The following GALNT13 variants were observed in gnomAD, a reference collection of about 807,000 sequenced individuals.
GALNT13 encodes the protein polypeptide N-acetylgalactosaminyltransferase 13.
GALNT13 carries 28 observed loss-of-function variants against 64.2 expected under a neutral mutation model. The observed-to-expected ratio is 0.44, with a 90% CI of 0.32 to 0.60. The LOEUF (loss-of-function observed/expected upper bound fraction) is 0.60, where lower values mean the gene tolerates loss of function less well. Ranked by LOEUF, GALNT13 falls within the 20% of genes least tolerant of loss-of-function variation. GALNT13 has a pLI of 0.05. For missense variants in GALNT13, 577 were observed against 669.8 expected (o/e 0.86, Z 1.53); for synonymous variants, 214 against 224.6 (o/e 0.95, Z 0.42).
the GALNT13 span, among the ~76,000 whole-genome samples, chr2:153,605,453 T>A: frequency 7.9e-5 from 12 of 152,052 alleles, no homozygotes; most frequent in African/African-American, 2.9e-4. Context: ...AGAAAAAAAA[T>A]GAATTCTTTA....
the GALNT13 span, among the ~76,000 whole-genome samples, chr2:153,070,329 T>C: frequency 2.0e-5 from 3 of 152,238 alleles, no homozygotes; most frequent in East Asian, 5.8e-4. Context: ...GTGGGTGGGA[T>C]GAATTAAGTA....
At chr2:153,985,470 A>G (rs934089460) in intron 3 of GALNT13, among the ~76,000 whole-genome samples, 1 of 152,000 alleles carries the variant, frequency 6.6e-6, no homozygotes, top group Non-Finnish European at 1.5e-5. Flanking sequence ...GATAATTTAC[A>G]TATGGATTCC....
the GALNT13 span, among the ~76,000 whole-genome samples, chr2:153,585,656 A>G: frequency 6.6e-6 from 1 of 152,194 alleles, no homozygotes; most frequent in Non-Finnish European, 1.5e-5. Flanking sequence ...TCAAATTGAA[A>G]GAATGAATTC....
At chr2:153,359,660 A>AAAAAC in the GALNT13 span, among the ~76,000 whole-genome samples, 1 of 143,612 alleles carries the variant, frequency 7.0e-6, no homozygotes. Flanking sequence ...AAAAAAAAAA[A>AAAAAC]AAAGTGACAT....
the GALNT13 span, among the ~76,000 whole-genome samples, chr2:153,657,318 G>A: frequency 6.6e-6 from 1 of 152,080 alleles, no homozygotes; most frequent in African/African-American, 2.4e-5. Flanking sequence ...ATGCATTATG[G>A]CAGTGTCCAG....
chr2:153,697,312 T>C, the GALNT13 span, among the ~76,000 whole-genome samples: 1 of 152,214 alleles, frequency 6.6e-6, no homozygotes, highest in East Asian at 1.9e-4. Flanking sequence ...TGGTTATGAA[T>C]TCTGCAATCT....
intron 3 of GALNT13, among the ~76,000 whole-genome samples, chr2:154,138,682 A>G (rs1683088340): frequency 6.6e-6 from 1 of 152,010 alleles, no homozygotes; most frequent in South Asian, 2.1e-4. Context: ...GAAGCCACAT[A>G]TAAATTCATT....
At chr2:154,396,669 C>T (rs189728893) in intron 10 of GALNT13, among the ~76,000 whole-genome samples, 9 of 152,128 alleles carry the variant, frequency 5.9e-5, no homozygotes, top group Admixed American at 5.2e-4. Flanking sequence ...ATATGTGCTT[C>T]GGTATTCCAT....
chr2:153,548,763 C>T, the GALNT13 span, among the ~76,000 whole-genome samples: 1 of 152,146 alleles, frequency 6.6e-6, no homozygotes, highest in Non-Finnish European at 1.5e-5. Context: ...ACTCAGCAAT[C>T]CCACTTCCAA....
At chr2:154,305,407 G>A (rs1057173104) in intron 9 of GALNT13, among the ~76,000 whole-genome samples, 5 of 151,826 alleles carry the variant, frequency 3.3e-5, no homozygotes, top group East Asian at 1.9e-4. Context: ...ACACACACAC[G>A]CGTATTTATG....
At chr2:154,246,268 T>C (rs752743764) in intron 7 of GALNT13, among the ~76,000 whole-genome samples, 69 of 152,150 alleles carry the variant, frequency 4.5e-4, no homozygotes, top group Non-Finnish European at 9.0e-4. Context: ...GTGACAGAAA[T>C]GTGCTAGCCT....
the GALNT13 span, among the ~76,000 whole-genome samples, chr2:153,106,229 T>A: frequency 6.6e-6 from 1 of 152,220 alleles, no homozygotes; most frequent in Non-Finnish European, 1.5e-5. Context: ...GCAAAATGTA[T>A]TCCAGCTTTC....
At chr2:154,127,084 A>T (rs1050449263) in intron 3 of GALNT13, among the ~76,000 whole-genome samples, 15 of 151,474 alleles carry the variant, frequency 9.9e-5, no homozygotes, top group African/African-American at 2.9e-4. Flanking sequence ...TATAAAATTT[A>T]AAAAAAAGTT....
At chr2:153,490,407 G>T in the GALNT13 span, among the ~76,000 whole-genome samples, 1 of 152,078 alleles carries the variant, frequency 6.6e-6, no homozygotes, top group African/African-American at 2.4e-5. Flanking sequence ...TTGAGACAAA[G>T]TCTTGCTCTG....
intron 2 of GALNT13, among the ~76,000 whole-genome samples, chr2:153,903,555 T>C (rs1216574906): frequency 6.6e-6 from 1 of 151,992 alleles, no homozygotes; most frequent in Non-Finnish European, 1.5e-5. Context: ...TGTGTGACTT[T>C]GTGTCAATTA....
At chr2:154,403,849 G>A (rs934637845) in intron 10 of GALNT13, among the ~76,000 whole-genome samples, 3 of 152,126 alleles carry the variant, frequency 2.0e-5, no homozygotes, top group African/African-American at 7.2e-5. Context: ...TCCCTGTCTG[G>A]AAGTCAGGAC....
At chr2:154,231,372 G>A (rs765909467) in intron 4 of GALNT13, among the ~76,000 whole-genome samples, 10 of 151,958 alleles carry the variant, frequency 6.6e-5, no homozygotes, top group Non-Finnish European at 1.2e-4. Flanking sequence ...AGACATGGGG[G>A]CCTCTTCAAA....
At chr2:153,087,821 G>T in the GALNT13 span, among the ~76,000 whole-genome samples, 1 of 151,766 alleles carries the variant, frequency 6.6e-6, no homozygotes, top group Non-Finnish European at 1.5e-5. Flanking sequence ...AATGTTTCTT[G>T]TTTCATGTCT....
At chr2:154,174,176 G>A (rs764391160) in intron 4 of GALNT13, among the ~76,000 whole-genome samples, 18 of 152,012 alleles carry the variant, frequency 1.2e-4, no homozygotes, top group African/African-American at 3.4e-4. Flanking sequence ...TTAAAATTAC[G>A]CAGTCTCAAC....
Sources: allele counts gnomAD v4.1 joint callset (sites outside exome capture counted in the v4.1 genomes callset), GRCh38; gene constraint gnomAD v4.1.1; transcripts MANE v1.5; gene names NCBI Gene and HGNC (gene_info 2026-07-23, HGNC 2026-07-21).